Variants in METTL24 observed in about 807,000 individuals in gnomAD.
The protein encoded by METTL24 is methyltransferase like 24, also known as probable methyltransferase-like protein 24.
METTL24 carries 29 observed loss-of-function variants against 32.7 expected under a neutral mutation model. The observed-to-expected ratio is 0.89, with a 90% confidence interval of 0.66 to 1.21. METTL24 has a LOEUF of 1.21. METTL24 is among the 50% of genes most tolerant of loss of function. METTL24 has a pLI of 0.00. For synonymous variants in METTL24, 163 were observed against 179.5 expected (o/e 0.91, Z 0.73); for missense variants, 439 against 468.1 (o/e 0.94, Z 0.57).
chr6:110,279,291 T>A (rs929823917), intron 4 of METTL24, among the ~76,000 whole-genome samples: 1 of 152,136 alleles, frequency 6.6e-6, no homozygotes, highest in Non-Finnish European at 1.5e-5. Context: ...TACAGACAGA[T>A]AAATAGTGTA....
chr6:110,319,332 A>G (rs982936289), intron 2 of METTL24, among the ~76,000 whole-genome samples: 1 of 151,956 alleles, frequency 6.6e-6, no homozygotes, highest in South Asian at 2.1e-4. Context: ...TTGTAAAGTT[A>G]TATTCTGAAT....
At chr6:110,328,470 C>T (rs1194807109) in intron 1 of METTL24, among the ~76,000 whole-genome samples, 6 of 152,064 alleles carry the variant, frequency 3.9e-5, no homozygotes, top group African/African-American at 4.8e-5. Context: ...TTCTACTTCC[C>T]GAAGGGTAAA....
At chr6:110,321,226 G>T (rs900738596) in intron 2 of METTL24, among the ~76,000 whole-genome samples, 4 of 152,084 alleles carry the variant, frequency 2.6e-5, no homozygotes, top group African/African-American at 9.7e-5. Flanking sequence ...AACAGAGGGA[G>T]ACTCTGTCTC....
intron 3 of METTL24, among the ~76,000 whole-genome samples, chr6:110,304,926 C>T (rs916519866): frequency 6.6e-6 from 1 of 152,200 alleles, no homozygotes; most frequent in African/African-American, 2.4e-5. Context: ...AGGTTACCCA[C>T]AAAGGGAAGC....
chr6:110,260,186 G>A (rs879298811), intron 4 of METTL24, among the ~76,000 whole-genome samples: 4 of 152,096 alleles, frequency 2.6e-5, no homozygotes, highest in Admixed American at 6.5e-5. Context: ...GAGGAAGTTC[G>A]AACCCACGGC....
rs558341900 is a variant in METTL24 at position 110,320,291 on chromosome 6, G to T, written c.417+2483C>A. On this transcript the variant is annotated intron_variant, in intron 2 of 4. Transcript: ENST00000338882. The stretch of plus-strand genomic sequence containing the variant: ...CACTTCTGCTAACTGAAATTTTTAG[G>T]TAACAGTGACTCTAATATTCTGCCA... Among the ~76,000 whole-genome samples, 6 of 152,186 alleles carry T rather than the reference G, an allele frequency of 3.9e-5. No homozygotes were observed. In the East Asian group the frequency reaches 1.2e-3, roughly 29 times the overall value.
At chr6:110,326,718 C>T (rs776681296) in intron 1 of METTL24, among the ~76,000 whole-genome samples, 1 of 152,178 alleles carries the variant, frequency 6.6e-6, no homozygotes, top group Non-Finnish European at 1.5e-5. Context: ...CCTTACAAGT[C>T]TAAAGGGAAC....
intron 4 of METTL24, 21 bp from the exon 5 acceptor site, chr6:110,246,281 G>A (rs117779954): frequency 3.8e-6 from 6 of 1,561,604 alleles, no homozygotes; most frequent in Admixed American, 1.8e-5. Context: ...GCAATGAAAT[G>A]AGATTAGCAG....
intron 1 of METTL24, among the ~76,000 whole-genome samples, chr6:110,348,183 T>C (rs983463901): frequency 6.6e-6 from 1 of 152,200 alleles, no homozygotes; most frequent in Admixed American, 6.5e-5. Context: ...CCTGCTCTCG[T>C]TTCATCTTCA....
intron 4 of METTL24, among the ~76,000 whole-genome samples, chr6:110,248,032 C>T (rs758613365): frequency 3.9e-5 from 6 of 152,098 alleles, no homozygotes; most frequent in Non-Finnish European, 8.8e-5. Context: ...TCTGAGTTCA[C>T]GTAAGATCTG....
At chr6:110,333,071 G>A (rs1441230000) in intron 1 of METTL24, among the ~76,000 whole-genome samples, 4 of 151,980 alleles carry the variant, frequency 2.6e-5, no homozygotes, top group South Asian at 2.1e-4. Flanking sequence ...TTCAAAATAC[G>A]TAAGGTTACC....
Position 110,358,248 on chromosome 6 carries a change from T to C in METTL24, c.25A>G (p.Arg9Gly). MARERPPGRGCGVLRRCLL... is the reference protein window; with the variant it reads MARERPPGGGCGVLRRCLL... ...CACCGGCGCAGGACGCCGCAGCCCC[T>C]CCCGGGCGGCCTCTCCCGGGCCATG... The change falls in exon 1 of 5, where the codon AGG (arginine) becomes GGG (glycine). Residue 9 changes from arginine (R) to glycine (G), a missense_variant. Arg to Gly is a moderately radical substitution (Grantham distance 125). Transcript: ENST00000338882. The C allele has an allele frequency of 6.8e-7, 1 of 1,481,380 alleles. No individual in the cohort carries two copies. The highest frequency in any genetic ancestry group is 8.9e-7 in the Non-Finnish European group (1 of 1,122,666). 91.8% of individuals were successfully genotyped at this position (1,481,380 alleles called of 1,614,324 possible).
rs1778154046 is a variant in METTL24, at chr6:110,246,126, A to C, written c.921T>G (p.Ser307Arg). The stretch of plus-strand genomic sequence containing the variant: ...ACCGCACAACGCTGCTGTCACTGCC[A>C]CTGACCTCAAACCCAGGCCAGTGGA... ...IHLHWPGFEV[S>R]GSDSSVVRFW... Residue 307 changes from serine to arginine, a missense_variant, in exon 5 of 5, where the codon AGT becomes AGG. Ser to Arg is a moderately radical substitution (Grantham distance 110). Transcript: ENST00000338882. The C allele has an allele frequency of 2.5e-6, 4 of 1,614,212 alleles. No homozygotes were observed. Among genetic ancestry groups the C allele is most frequent in the African/African-American group, 2.7e-5 (2 of 75,050 alleles).
At chr6:110,296,041 T>G (rs1771412627) in intron 4 of METTL24, among the ~76,000 whole-genome samples, 1 of 152,170 alleles carries the variant, frequency 6.6e-6, no homozygotes, top group Non-Finnish European at 1.5e-5. Context: ...CCAGAGAGGT[T>G]AAATGACTCG....
intron 1 of METTL24, 131 bp downstream of exon 1, chr6:110,357,824 G>A (rs935197534): frequency 5.4e-5 from 17 of 312,936 alleles, no homozygotes; most frequent in Non-Finnish European, 8.3e-5. Flanking sequence ...AGAGCACAGG[G>A]GGAAGAGAAG....
At chr6:110,302,921 A>G (rs767853257) in intron 3 of METTL24, among the ~76,000 whole-genome samples, 2 of 152,162 alleles carry the variant, frequency 1.3e-5, no homozygotes, top group African/African-American at 2.4e-5. Context: ...AGCAAGACCA[A>G]TGCAGAAGGT....
chr6:110,320,587 A>G (rs1486082792), intron 2 of METTL24, among the ~76,000 whole-genome samples: 2 of 152,194 alleles, frequency 1.3e-5, no homozygotes, highest in Non-Finnish European at 2.9e-5. Flanking sequence ...TTCTTTCTGG[A>G]GGACAAAAAT....
chr6:110,254,871 T>A (rs1014009305), intron 4 of METTL24, among the ~76,000 whole-genome samples: 1 of 152,216 alleles, frequency 6.6e-6, no homozygotes, highest in Non-Finnish European at 1.5e-5. Flanking sequence ...ACTTAAAGTG[T>A]ACCTGCAAAA....
At chr6:110,345,981 A>G (rs1772465089) in intron 1 of METTL24, among the ~76,000 whole-genome samples, 1 of 152,216 alleles carries the variant, frequency 6.6e-6, no homozygotes, top group African/African-American at 2.4e-5. Context: ...CCTAACATCA[A>G]ACCGATTACA....
Sources: gnomAD v4.1 joint callset for allele counts (sites outside exome capture counted in the v4.1 genomes callset) on GRCh38, gnomAD v4.1.1 for gene constraint, MANE v1.5 for transcripts, NCBI Gene and HGNC (gene_info 2026-07-23, HGNC 2026-07-21) for gene names.